The following CRPPA variants were observed in gnomAD, a reference collection of about 807,000 sequenced individuals.
CRPPA encodes the protein CDP-L-ribitol pyrophosphorylase A, also known as D-ribitol-5-phosphate cytidylyltransferase.
A neutral mutation model predicts 52.0 loss-of-function variants in CRPPA; 43 were observed. The ratio of observed to expected loss-of-function variants is 0.83; its 90% CI spans 0.65 to 1.07. The LOEUF is 1.07. Ranked by LOEUF, CRPPA falls within the 50% of genes least tolerant of loss-of-function variation. The pLI, the probability that CRPPA is intolerant of heterozygous loss-of-function variation, is 0.00. For missense variants in CRPPA, 629 were observed against 551.7 expected (o/e 1.14, Z -1.40); for synonymous variants, 250 against 203.5 (o/e 1.23, Z -1.94).
chr7:16,410,107 G>C (rs1392415582), intron 1 of CRPPA, among the ~76,000 whole-genome samples: 1 of 152,158 alleles, frequency 6.6e-6, no homozygotes, highest in Non-Finnish European at 1.5e-5. Context: ...GTGTGATTTT[G>C]TTGATAGTTT....
Position 16,344,751 on chromosome 7 carries a change from G to T in CRPPA, c.684+31341C>A, listed in dbSNP as rs967051894. On this transcript the variant is annotated intron_variant, in intron 3 of 9. Coordinates refer to ENST00000407010, the MANE Select transcript of CRPPA (RefSeq NM_001101426.4). ...GTCCACTAGATGGGCACAACAGCAC[G>T]CTTGCTCAGTCAAAAGAAAGAATTG... Among the ~76,000 whole-genome samples, 3 of 151,658 alleles carry T rather than the reference G, an allele frequency of 2.0e-5. No individual in the cohort carries two copies. In the East Asian group the frequency reaches 5.8e-4, roughly 29 times the overall value.
intron 8 of CRPPA, among the ~76,000 whole-genome samples, chr7:16,217,326 C>T (rs1782357117): frequency 6.6e-6 from 1 of 152,024 alleles, no homozygotes; most frequent in African/African-American, 2.4e-5. Flanking sequence ...GTAGATAAAA[C>T]CACAAAGATG....
chr7:16,286,097 A>AAAT, intron 5 of CRPPA, among the ~76,000 whole-genome samples: 2,175 of 39,092 alleles, frequency 0.056, 306 homozygotes, highest in East Asian at 0.11. Flanking sequence ...TAAAAAAAAA[A>AAAT]ATATATATAT....
chr7:16,196,424 G>A (rs528460088), intron 9 of CRPPA, among the ~76,000 whole-genome samples: 41 of 152,230 alleles, frequency 2.7e-4, no homozygotes, highest in African/African-American at 8.9e-4. Flanking sequence ...TGATTTTCAT[G>A]AATACCTTTC....
chr7:16,091,764 A>T lies in CRPPA; in HGVS notation c.1287T>A (p.Gly429=). The T allele has an allele frequency of 6.4e-7, 1 of 1,558,658 alleles. No individual in the cohort carries two copies. Among genetic ancestry groups the T allele is most frequent in the Non-Finnish European group, 8.7e-7 (1 of 1,150,128 alleles). The part of the protein sequence containing the change: ...DQKLQESLRQ[G]AIIIASLIKE... ...TGATTAATGAAGCAATAATGATAGC[A>T]CCTTGCCTTAAACTCTCCTGTAGCT... Residue 429 remains glycine (G), a synonymous_variant, in exon 10 of 10, where the codon GGT becomes GGA. Coordinates refer to ENST00000407010, the MANE Select transcript of CRPPA (RefSeq NM_001101426.4).
In CRPPA at chr7:16,384,863, T is replaced by C. The variant is rs1787212846; in HGVS notation, c.535-8622A>G. Among the ~76,000 whole-genome samples, 2 of 152,198 alleles carry C rather than the reference T, an allele frequency of 1.3e-5. 1 individual carries two copies. Among genetic ancestry groups the C allele is most frequent in the Admixed American group, 1.3e-4 (2 of 15,284 alleles). On this transcript the variant is annotated intron_variant, in intron 2 of 9. Transcript: ENST00000407010. ...TGCCTATGAGAAGGCCCCACCCATA[T>C]ATCAAACTTAGCAGATAAAGACCTC...
At chr7:16,141,389 A>G (rs1230460096) in intron 9 of CRPPA, among the ~76,000 whole-genome samples, 2 of 152,172 alleles carry the variant, frequency 1.3e-5, no homozygotes, top group East Asian at 3.8e-4. Context: ...TTTTCCATCT[A>G]TTCTTCTGTA....
intron 9 of CRPPA, among the ~76,000 whole-genome samples, chr7:16,157,797 C>T (rs931215291): frequency 2.0e-5 from 3 of 152,134 alleles, no homozygotes; most frequent in Non-Finnish European, 2.9e-5. Context: ...TTTGCAGTTT[C>T]CCATGCCCTT....
At position 16,133,389 on chromosome 7, in the gene CRPPA, G is replaced by A. The variant is rs1782712394; in HGVS notation, c.1252-41590C>T. 3.2e-5 allele frequency among the ~76,000 whole-genome samples: 4 copies of A among 123,138 alleles called. 2 individuals are homozygous for A. The highest frequency in any genetic ancestry group is 7.4e-5 in the Non-Finnish European group (4 of 54,358). The allele number at this position is 123,138 out of a possible 152,430, so 80.8% of individuals were successfully genotyped here. A position where few individuals can be genotyped will look rare whatever the true frequency, so the allele number is the denominator to read the frequency against. ...TTACAGACAATACACAGCACCACTT[G>A]CAGTCAAGAGAAATGTAAACAAATT... On this transcript the variant is annotated intron_variant, in intron 9 of 9. Coordinates refer to ENST00000407010, the MANE Select transcript of CRPPA (RefSeq NM_001101426.4).
intron 2 of CRPPA, among the ~76,000 whole-genome samples, chr7:16,403,625 G>A (rs1787883792): frequency 6.6e-6 from 1 of 152,112 alleles, no homozygotes; most frequent in Admixed American, 6.6e-5. Context: ...AAGCAGGCCT[G>A]GAAAACAGTC....
intron 9 of CRPPA, among the ~76,000 whole-genome samples, chr7:16,200,086 A>G (rs10273140): frequency 0.038 from 5,716 of 152,088 alleles, 346 homozygotes; most frequent in African/African-American, 0.13. Flanking sequence ...TCAAACTCCT[A>G]ACCTCAGGTG....
chr7:16,364,421 G>A (rs13226547), intron 3 of CRPPA, among the ~76,000 whole-genome samples: 24,879 of 152,150 alleles, frequency 0.16, 2,569 homozygotes, highest in South Asian at 0.42. Flanking sequence ...AGGCAGATAA[G>A]GAATGGAGGC....
At chr7:16,279,094 C>G (rs1784266796) in intron 5 of CRPPA, among the ~76,000 whole-genome samples, 1 of 152,124 alleles carries the variant, frequency 6.6e-6, no homozygotes, top group African/African-American at 2.4e-5. Flanking sequence ...CATTACATAG[C>G]ATTATATCAT....
chr7:16,348,984 C>A (rs933496176), intron 3 of CRPPA, among the ~76,000 whole-genome samples: 1 of 152,194 alleles, frequency 6.6e-6, no homozygotes, highest in Non-Finnish European at 1.5e-5. Context: ...TATAACAGGA[C>A]CCCTTCCAGC....
intron 2 of CRPPA, among the ~76,000 whole-genome samples, chr7:16,387,197 G>GT (rs1787311373): frequency 6.7e-6 from 1 of 150,150 alleles, no homozygotes; most frequent in South Asian, 2.1e-4. Context: ...AGTAATTGCA[G>GT]TTTTTACCAT....
At position 16,188,140 on chromosome 7, in the gene CRPPA, G is replaced by C. The variant is rs563938573; in HGVS notation, c.1251+27926C>G. On this transcript the variant is annotated intron_variant, in intron 9 of 9. Coordinates refer to ENST00000407010, the MANE Select transcript of CRPPA (RefSeq NM_001101426.4). Reference sequence around the variant, plus strand: ...CAGCTCACTGCAAGCTCTGCCTCCTGGGTTCACTAATTTTTTTGTATTTTT... The same window carrying C: ...CAGCTCACTGCAAGCTCTGCCTCCTCGGTTCACTAATTTTTTTGTATTTTT... Among the ~76,000 whole-genome samples, 325 of 150,580 alleles carry C rather than the reference G, an allele frequency of 2.2e-3. 1 individual carries two copies. Among genetic ancestry groups the C allele is most frequent in the Non-Finnish European group, 3.7e-3 (251 of 67,744 alleles).
chr7:16,389,928 A>AAAAAATATATATATAT, intron 2 of CRPPA, among the ~76,000 whole-genome samples: 1 of 29,760 alleles, frequency 3.4e-5, no homozygotes, highest in African/African-American at 1.7e-4. Context: ...AAAAAAAAAA[A>AAAAAATATATATATAT]ATATATATAT....
intron 3 of CRPPA, among the ~76,000 whole-genome samples, chr7:16,348,808 C>T (rs541017384): frequency 1.3e-5 from 2 of 152,306 alleles, no homozygotes; most frequent in East Asian, 3.9e-4. Context: ...CCAGTGATTA[C>T]TTCAGGTCTA....
intron 3 of CRPPA, among the ~76,000 whole-genome samples, chr7:16,318,752 T>G (rs1785198603): frequency 1.3e-5 from 2 of 152,102 alleles, no homozygotes; most frequent in Non-Finnish European, 1.5e-5. Context: ...GCCCTCCACC[T>G]ATATCAATCA....
Sources: allele counts gnomAD v4.1 joint callset (sites outside exome capture counted in the v4.1 genomes callset), GRCh38; gene constraint gnomAD v4.1.1; transcripts MANE v1.5; gene names NCBI Gene and HGNC (gene_info 2026-07-23, HGNC 2026-07-21).